Variants in CUX2 observed in about 807,000 individuals in gnomAD.
CUX2 encodes the protein homeobox protein cut-like 2.
In CUX2, 40 loss-of-function variants were observed where a neutral mutation model predicts 144.8. The observed-to-expected ratio is 0.28, with a 90% confidence interval of 0.21 to 0.36. The LOEUF (loss-of-function observed/expected upper bound fraction) is 0.36, where lower values mean the gene tolerates loss of function less well. Ranked by LOEUF, CUX2 falls within the 10% of genes least tolerant of loss-of-function variation. The pLI is 1.00. For synonymous variants in CUX2, 827 were observed against 875.6 expected, an observed-to-expected ratio of 0.94 and a Z score of 0.98; for missense variants, 1,615 against 1,994.0, an observed-to-expected ratio of 0.81 and a Z score of 3.62.
intron 4 of CUX2, among the ~76,000 whole-genome samples, chr12:111,275,195 C>T (rs576007627): frequency 2.0e-5 from 3 of 152,300 alleles, no homozygotes; most frequent in East Asian, 3.9e-4. Flanking sequence ...CGGACAAAGG[C>T]GGGTACACTT....
intron 1 of CUX2, among the ~76,000 whole-genome samples, chr12:111,046,484 C>T (rs372403434): frequency 1.4e-4 from 21 of 152,256 alleles, no homozygotes; most frequent in Non-Finnish European, 2.5e-4. Flanking sequence ...TGCCAGGAAG[C>T]GGCCCAGCCT....
intron 1 of CUX2, among the ~76,000 whole-genome samples, chr12:111,196,162 T>C (rs1324260768): frequency 6.6e-6 from 1 of 152,254 alleles, no homozygotes; most frequent in Non-Finnish European, 1.5e-5. Context: ...TTTCCAAGGT[T>C]TGCCCATGTG....
chr12:111,271,794 G>A (rs1304761936), intron 4 of CUX2, among the ~76,000 whole-genome samples: 1 of 152,188 alleles, frequency 6.6e-6, no homozygotes, highest in Non-Finnish European at 1.5e-5. Flanking sequence ...TTAGCCCAGA[G>A]AGTGGATTTT....
At chr12:111,248,183 G>C (rs1328531376) in intron 3 of CUX2, among the ~76,000 whole-genome samples, 1 of 152,206 alleles carries the variant, frequency 6.6e-6, no homozygotes, top group Non-Finnish European at 1.5e-5. Context: ...TTATAGGCGT[G>C]AGCCACTGCG....
intron 1 of CUX2, among the ~76,000 whole-genome samples, chr12:111,101,140 G>A (rs1873209294): frequency 3.3e-5 from 5 of 152,204 alleles, no homozygotes; most frequent in African/African-American, 9.6e-5. Flanking sequence ...ACACGAATGC[G>A]CTTTTTCAAG....
intron 16 of CUX2, among the ~76,000 whole-genome samples, chr12:111,318,713 C>T (rs1887335563): frequency 6.6e-6 from 1 of 151,660 alleles, no homozygotes; most frequent in African/African-American, 2.4e-5. Flanking sequence ...ATGGATGTCT[C>T]ATTCTGTCAC....
intron 2 of CUX2, 144 bp downstream of exon 2, chr12:111,214,454 CT>C: frequency 3.6e-6 from 2 of 554,286 alleles, no homozygotes; most frequent in South Asian, 5.0e-5. Context: ...AGCCCCTAAC[CT>C]TTCGGGGTTT....
chr12:111,089,971 G>A (rs891731535), intron 1 of CUX2, among the ~76,000 whole-genome samples: 1 of 152,204 alleles, frequency 6.6e-6, no homozygotes, highest in Admixed American at 6.5e-5. Flanking sequence ...GCAGAGGAGT[G>A]ATGCAGGTGG....
intron 4 of CUX2, among the ~76,000 whole-genome samples, chr12:111,272,951 G>A (rs765708200): frequency 2.0e-5 from 3 of 152,214 alleles, no homozygotes; most frequent in Non-Finnish European, 4.4e-5. Context: ...GAGGTGTTCA[G>A]TAAAGGCCAG....
chr12:111,115,767 C>G (rs548878224), intron 1 of CUX2, among the ~76,000 whole-genome samples: 1 of 152,144 alleles, frequency 6.6e-6, no homozygotes, highest in Non-Finnish European at 1.5e-5. Context: ...TGGAACTAAT[C>G]ACAGTGGTAT....
chr12:111,308,003 G>A (rs1186685902), intron 12 of CUX2, among the ~76,000 whole-genome samples: 3 of 152,140 alleles, frequency 2.0e-5, no homozygotes, highest in African/African-American at 7.2e-5. Flanking sequence ...CCATACAAGG[G>A]AACTTATTAT....
chr12:111,328,941 A>ATCTCTCTCTCTCTC lies in CUX2; in HGVS notation c.2927-5479_2927-5466dup, dbSNP rs1227047616. 1.7e-3 allele frequency among the ~76,000 whole-genome samples: 50 copies of ATCTCTCTCTCTCTC among 28,990 alleles called. 4 individuals are homozygous for ATCTCTCTCTCTCTC. The highest frequency in any genetic ancestry group is 9.1e-3 in the East Asian group (2 of 220). The allele number at this position is 28,990 out of a possible 152,430, so 19.0% of individuals were successfully genotyped here. A position where few individuals can be genotyped will look rare whatever the true frequency, so the allele number is the denominator to read the frequency against. On this transcript the variant is annotated intron_variant, in intron 18 of 21. Coordinates refer to ENST00000261726, the MANE Select transcript of CUX2 (RefSeq NM_015267.4). ...CACTCTGCATTTTTTTGATTCACCT[A>ATCTCTCTCTCTCTC]TCTCTCTCTCTCTCTCTCTCTCTCT...
intron 1 of CUX2, among the ~76,000 whole-genome samples, chr12:111,209,424 C>T (rs1401381098): frequency 6.6e-6 from 1 of 152,164 alleles, no homozygotes; most frequent in East Asian, 1.9e-4. Flanking sequence ...CTAAGCTTAA[C>T]ATTGAACTAT....
At chr12:111,157,505 T>C (rs1300038942) in intron 1 of CUX2, among the ~76,000 whole-genome samples, 1 of 152,056 alleles carries the variant, frequency 6.6e-6, no homozygotes, top group Non-Finnish European at 1.5e-5. Flanking sequence ...CTAGGTTGTG[T>C]ATAGAGAATC....
Position 111,320,736 on chromosome 12 carries a change from G to A in CUX2, c.2727G>A (p.Leu909=). 6.3e-7 allele frequency: 1 copy of A among 1,583,034 alleles called. No homozygotes were observed. The highest frequency in any genetic ancestry group is 8.5e-7 in the Non-Finnish European group (1 of 1,171,678). ...LELTRQVKEK[L]AKNGICQRIF... Reference sequence around the variant, plus strand: ...TCACCCGCCAGGTCAAGGAGAAGCTGGCCAAGAACGGCATCTGCCAGAGGA... The same window carrying A: ...TCACCCGCCAGGTCAAGGAGAAGCTAGCCAAGAACGGCATCTGCCAGAGGA... Residue 909 remains leucine, a synonymous_variant, in exon 17 of 22, where the codon CTG becomes CTA. Transcript: ENST00000261726. The surrounding 1 kb of genome is among the most constrained non-coding windows in gnomAD (Gnocchi z 8.1).
chr12:111,063,570 G>T (rs896880887), intron 1 of CUX2, among the ~76,000 whole-genome samples: 4 of 152,184 alleles, frequency 2.6e-5, no homozygotes, highest in Non-Finnish European at 2.9e-5. Context: ...TTTGAGATAC[G>T]GTGGGCTTCC....
At chr12:111,276,643 GTTTGTTTTGT>G (rs60318566) in intron 4 of CUX2, among the ~76,000 whole-genome samples, 54 of 151,108 alleles carry the variant, frequency 3.6e-4, no homozygotes, top group Admixed American at 1.8e-3. Context: ...TTGTTTGTTT[GTTTGTTTTGT>G]TTTGTTTTGT....
intron 1 of CUX2, among the ~76,000 whole-genome samples, chr12:111,084,923 T>A (rs1426939440): frequency 1.3e-5 from 2 of 152,246 alleles, no homozygotes; most frequent in African/African-American, 4.8e-5. Flanking sequence ...ATTCTTCCTC[T>A]TCTCACCACA....
intron 10 of CUX2, among the ~76,000 whole-genome samples, chr12:111,306,518 G>T (rs1425889602): frequency 6.6e-6 from 1 of 152,028 alleles, no homozygotes. Context: ...CCATAACGTG[G>T]TCCGTGGCTC....
Sources: allele counts gnomAD v4.1 joint callset (sites outside exome capture counted in the v4.1 genomes callset), GRCh38; gene constraint gnomAD v4.1.1; non-coding constraint Gnocchi (gnomAD v3.1); transcripts MANE v1.5; gene names NCBI Gene and HGNC (gene_info 2026-07-23, HGNC 2026-07-21).